Variants in DPP6 observed in about 807,000 individuals in gnomAD.
DPP6 encodes dipeptidyl peptidase like 6.
A neutral mutation model predicts 122.6 loss-of-function variants in DPP6; 69 were observed. The ratio of observed to expected loss-of-function variants is 0.56; its 90% CI spans 0.46 to 0.69. DPP6 has a LOEUF of 0.69. Among genes scored for constraint, DPP6 ranks in the 30% least tolerant of loss-of-function variants. The pLI, the probability that DPP6 is intolerant of heterozygous loss-of-function variation, is 0.00. For synonymous variants in DPP6, 418 were observed against 433.1 expected (o/e 0.97, Z 0.43); for missense variants, 928 against 1,116.9 (o/e 0.83, Z 2.41).
intron 3 of DPP6, among the ~76,000 whole-genome samples, chr7:154,524,657 A>G (rs923711): frequency 0.49 from 74,479 of 151,944 alleles, 18,449 homozygotes; most frequent in Non-Finnish European, 0.51. Flanking sequence ...ACCCAAGAGA[A>G]AGCAAGTCCA....
At chr7:154,823,711 T>C (rs977731283) in intron 16 of DPP6, among the ~76,000 whole-genome samples, 3 of 152,176 alleles carry the variant, frequency 2.0e-5, no homozygotes, top group Admixed American at 6.5e-5. Flanking sequence ...GGCACATTTG[T>C]GTAGGATCCC....
At chr7:154,871,210 C>T (rs934965009) in intron 18 of DPP6, among the ~76,000 whole-genome samples, 1 of 152,040 alleles carries the variant, frequency 6.6e-6, no homozygotes, top group African/African-American at 2.4e-5. Context: ...GTGTGACTGT[C>T]ATCCCTTCCT....
chr7:153,887,025 G>GGCT (rs1370751805), upstream of DPP6: 1 of 152,428 alleles, frequency 6.6e-6, no homozygotes, highest in Admixed American at 6.6e-5. Context: ...TCTGGGGAGG[G>GGCT]GCTGCCCTCG....
intron 2 of DPP6, among the ~76,000 whole-genome samples, chr7:154,474,602 A>G (rs992165663): frequency 3.3e-5 from 5 of 152,218 alleles, no homozygotes; most frequent in African/African-American, 1.2e-4. Context: ...TCCATTCTGG[A>G]TATCCGTATC....
intron 1 of DPP6, among the ~76,000 whole-genome samples, chr7:154,131,571 A>G (rs1013554208): frequency 2.0e-5 from 3 of 152,410 alleles, no homozygotes; most frequent in African/African-American, 7.2e-5. Flanking sequence ...ATGTGCATCC[A>G]GGAAGTTATC....
At chr7:154,137,641 T>TGGGGGGGGGGGGGG (rs1221969502) in intron 1 of DPP6, among the ~76,000 whole-genome samples, 2 of 27,282 alleles carry the variant, frequency 7.3e-5, no homozygotes, top group Non-Finnish European at 7.8e-5. Flanking sequence ...GAGGAGATGG[T>TGGGGGGGGGGGGGG]GGGGGGGGTG....
chr7:154,185,200 T>C (rs1798293744), intron 1 of DPP6, among the ~76,000 whole-genome samples: 1 of 152,226 alleles, frequency 6.6e-6, no homozygotes, highest in South Asian at 2.1e-4. Flanking sequence ...TGTAGGCTAT[T>C]AACATAATCC....
intron 1 of DPP6, among the ~76,000 whole-genome samples, chr7:154,064,397 CTCATGGTTCAAT>C (rs1563161923): frequency 6.6e-6 from 1 of 152,162 alleles, no homozygotes; most frequent in African/African-American, 2.4e-5. Context: ...TGGACATTTG[CTCATGGTTCAAT>C]TCATGGCCAT....
intron 5 of DPP6, among the ~76,000 whole-genome samples, chr7:154,606,447 A>C (rs1268850557): frequency 1.7e-5 from 2 of 120,254 alleles, no homozygotes; most frequent in African/African-American, 5.3e-5. Context: ...GTATAATTGC[A>C]CTAGTTTTTG....
At chr7:153,853,025 C>A in the DPP6 span, among the ~76,000 whole-genome samples, 4 of 152,138 alleles carry the variant, frequency 2.6e-5, no homozygotes, top group African/African-American at 9.7e-5. Flanking sequence ...GTACACAATG[C>A]CCCATCTCTC....
chr7:154,499,531 AT>A (rs1490242536), intron 3 of DPP6, among the ~76,000 whole-genome samples: 1 of 151,964 alleles, frequency 6.6e-6, no homozygotes, highest in African/African-American at 2.4e-5. Flanking sequence ...GAGTCTCTTC[AT>A]TTTCTCATCT....
intron 7 of DPP6, among the ~76,000 whole-genome samples, chr7:154,689,333 G>A (rs1241456713): frequency 6.6e-6 from 1 of 152,124 alleles, no homozygotes; most frequent in African/African-American, 2.4e-5. Context: ...TCTTTGGTTG[G>A]TTGTTGTTGT....
At chr7:153,901,904 T>C (rs1799653326) in intron 1 of DPP6, among the ~76,000 whole-genome samples, 1 of 152,200 alleles carries the variant, frequency 6.6e-6, no homozygotes, top group African/African-American at 2.4e-5. Context: ...TAAATGCAAA[T>C]GAGGGGAGGC....
chr7:153,828,940 T>C, the DPP6 span, among the ~76,000 whole-genome samples: 3 of 152,214 alleles, frequency 2.0e-5, no homozygotes, highest in Non-Finnish European at 4.4e-5. Flanking sequence ...GCAAGGTACA[T>C]AGAATATTTG....
At chr7:153,752,245 C>T in the DPP6 span, among the ~76,000 whole-genome samples, 1 of 138,060 alleles carries the variant, frequency 7.2e-6, no homozygotes, top group East Asian at 2.3e-4. Flanking sequence ...ATATTTGTAC[C>T]ACAGCCTCTT....
intron 1 of DPP6, among the ~76,000 whole-genome samples, chr7:154,157,675 T>C (rs992886265): frequency 5.9e-5 from 9 of 152,186 alleles, no homozygotes; most frequent in African/African-American, 2.2e-4. Flanking sequence ...GGCTCATGCC[T>C]GTAATCCCAG....
intron 8 of DPP6, among the ~76,000 whole-genome samples, chr7:154,753,450 G>A (rs187107795): frequency 6.6e-5 from 10 of 152,194 alleles, no homozygotes; most frequent in Admixed American, 5.2e-4. Context: ...AGGAGACAGC[G>A]ACCACCTGTG....
At chr7:154,207,935 A>G (rs1799535360) in intron 1 of DPP6, among the ~76,000 whole-genome samples, 1 of 151,224 alleles carries the variant, frequency 6.6e-6, no homozygotes, top group East Asian at 1.9e-4. Flanking sequence ...AGCCTGGGCA[A>G]CAGAGTGAGA....
intron 1 of DPP6, among the ~76,000 whole-genome samples, chr7:154,060,717 G>GGT (rs1214285602): frequency 0.098 from 7,003 of 71,606 alleles, 5 homozygotes; most frequent in Non-Finnish European, 0.11. Context: ...CCCATCGCAG[G>GGT]GGGGGAGGCA....
Sources: allele counts gnomAD v4.1 joint callset (sites outside exome capture counted in the v4.1 genomes callset), GRCh38; gene constraint gnomAD v4.1.1; transcripts MANE v1.5; gene names NCBI Gene and HGNC (gene_info 2026-07-23, HGNC 2026-07-21).